SUMF1: variants seen among roughly 807,000 people sequenced by gnomAD.
The protein encoded by SUMF1 is sulfatase modifying factor 1.
Under a neutral mutation model 47.6 loss-of-function variants are expected in SUMF1, and 48 were observed. That is an observed-to-expected ratio of 1.01 (90% CI 0.80 to 1.28). The LOEUF is 1.28. Ranked by LOEUF, SUMF1 falls within the 50% of genes most tolerant of loss-of-function variation. The pLI, the probability that SUMF1 is intolerant of heterozygous loss-of-function variation, is 0.00. For synonymous variants in SUMF1, 230 were observed against 192.1 expected (o/e 1.20, Z -1.63); for missense variants, 571 against 485.4 (o/e 1.18, Z -1.66).
intron 8 of SUMF1, among the ~76,000 whole-genome samples, chr3:4,292,247 G>C (rs1697755303): frequency 1.3e-5 from 2 of 152,146 alleles, no homozygotes; most frequent in Non-Finnish European, 2.9e-5. Flanking sequence ...TACTGTCCAT[G>C]ATCATTTCTA....
At chr3:4,447,275 A>C (rs1268842764) in intron 3 of SUMF1, among the ~76,000 whole-genome samples, 1 of 152,238 alleles carries the variant, frequency 6.6e-6, no homozygotes, top group East Asian at 1.9e-4. Flanking sequence ...ACATGAAAAT[A>C]AACCATATTA....
At chr3:4,283,517 A>T (rs983200945) in intron 8 of SUMF1, among the ~76,000 whole-genome samples, 1 of 152,214 alleles carries the variant, frequency 6.6e-6, no homozygotes, top group Non-Finnish European at 1.5e-5. Context: ...AATAAGAGCA[A>T]AAGATTAACA....
At chr3:4,183,022 A>G (rs1354372116) in intron 8 of SUMF1, among the ~76,000 whole-genome samples, 4 of 152,136 alleles carry the variant, frequency 2.6e-5, no homozygotes, top group African/African-American at 4.8e-5. Flanking sequence ...GTGTGACCAT[A>G]TACTTTCTGC....
At chr3:4,451,070 T>C (rs1702951584) in intron 2 of SUMF1, among the ~76,000 whole-genome samples, 1 of 150,844 alleles carries the variant, frequency 6.6e-6, no homozygotes, top group African/African-American at 2.5e-5. Flanking sequence ...AATGTTTAAA[T>C]GCATAAAATA....
At chr3:4,254,481 A>G (rs1696896498) in intron 8 of SUMF1, among the ~76,000 whole-genome samples, 1 of 150,956 alleles carries the variant, frequency 6.6e-6, no homozygotes, top group Admixed American at 6.6e-5. Flanking sequence ...AAGCCTCAGG[A>G]GCCGATGCCA....
chr3:4,152,839 A>T (rs1275454487), intron 8 of SUMF1, among the ~76,000 whole-genome samples: 1 of 151,526 alleles, frequency 6.6e-6, no homozygotes, highest in Non-Finnish European at 1.5e-5. Context: ...GCTATTGAGT[A>T]ATATCATTGT....
intron 8 of SUMF1, among the ~76,000 whole-genome samples, chr3:4,082,518 A>C (rs1692582940): frequency 6.6e-6 from 1 of 152,152 alleles, no homozygotes; most frequent in Non-Finnish European, 1.5e-5. Flanking sequence ...AAAATTTTAA[A>C]ATCAATAGAA....
chr3:4,455,967 C>T (rs529720579), intron 1 of SUMF1, among the ~76,000 whole-genome samples: 1 of 152,056 alleles, frequency 6.6e-6, no homozygotes, highest in African/African-American at 2.4e-5. Flanking sequence ...TAGATGCAAA[C>T]ATTCTAACAA....
intron 9 of SUMF1, among the ~76,000 whole-genome samples, chr3:4,052,516 T>G (rs1014383889): frequency 1.3e-5 from 2 of 152,152 alleles, no homozygotes; most frequent in Non-Finnish European, 2.9e-5. Flanking sequence ...CCTGCATGCT[T>G]CAAGTGGAAC....
intron 8 of SUMF1, among the ~76,000 whole-genome samples, chr3:4,258,259 A>C (rs1310289166): frequency 7.4e-5 from 11 of 148,884 alleles, no homozygotes; most frequent in East Asian, 1.9e-4. Context: ...AAAATTGACA[A>C]ATGGGATCTA....
intron 8 of SUMF1, among the ~76,000 whole-genome samples, chr3:4,184,717 C>T (rs563202938): frequency 7.3e-4 from 107 of 146,226 alleles, no homozygotes; most frequent in Middle Eastern, 7.0e-3. Context: ...GGTGTGATCT[C>T]GGCTCACTGC....
intron 8 of SUMF1, among the ~76,000 whole-genome samples, chr3:4,149,164 G>A (rs528351508): frequency 4.6e-5 from 7 of 152,066 alleles, no homozygotes; most frequent in Non-Finnish European, 8.8e-5. Flanking sequence ...TGTTCTTGTT[G>A]TAGTGTTTAA....
intron 8 of SUMF1, among the ~76,000 whole-genome samples, chr3:4,130,994 G>A (rs1356495622): frequency 6.6e-6 from 1 of 152,132 alleles, no homozygotes; most frequent in East Asian, 1.9e-4. Context: ...GTGAATCACT[G>A]CAGAGCCCTG....
At chr3:4,429,377 T>G (rs929233235) in intron 3 of SUMF1, among the ~76,000 whole-genome samples, 1 of 152,196 alleles carries the variant, frequency 6.6e-6, no homozygotes, top group Non-Finnish European at 1.5e-5. Flanking sequence ...TTCCAGTGTC[T>G]AAAACAGGGA....
chr3:4,422,967 T>C (rs906503077), intron 3 of SUMF1, among the ~76,000 whole-genome samples: 8 of 152,102 alleles, frequency 5.3e-5, no homozygotes, highest in Non-Finnish European at 1.5e-5. Context: ...CCAAAGTCCG[T>C]TGTGCCATTC....
At chr3:4,067,017 C>T (rs1695394366) in intron 9 of SUMF1, among the ~76,000 whole-genome samples, 9 of 152,094 alleles carry the variant, frequency 5.9e-5, no homozygotes, top group Admixed American at 5.9e-4. Context: ...TAGGGGATAA[C>T]CTCATTATCC....
intron 8 of SUMF1, among the ~76,000 whole-genome samples, chr3:4,163,556 A>G (rs892749220): frequency 6.7e-6 from 1 of 150,232 alleles, no homozygotes; most frequent in Non-Finnish European, 1.5e-5. Flanking sequence ...TTGTACTGAC[A>G]TCCAGGATAC....
chr3:4,283,107 A>C (rs1214444490), intron 8 of SUMF1, among the ~76,000 whole-genome samples: 1 of 152,176 alleles, frequency 6.6e-6, no homozygotes, highest in Non-Finnish European at 1.5e-5. Flanking sequence ...GAGGATCTTT[A>C]GACTCTTAGA....
chr3:4,093,448 G>A (rs1692832483), intron 8 of SUMF1, among the ~76,000 whole-genome samples: 1 of 152,020 alleles, frequency 6.6e-6, no homozygotes, highest in Non-Finnish European at 1.5e-5. Flanking sequence ...GGAACACAGG[G>A]AGCAAGCACC....
Sources: gnomAD v4.1 joint callset for allele counts (sites outside exome capture counted in the v4.1 genomes callset) on GRCh38, gnomAD v4.1.1 for gene constraint, MANE v1.5 for transcripts, NCBI Gene and HGNC (gene_info 2026-07-23, HGNC 2026-07-21) for gene names.